SLC41A2: variants seen among roughly 807,000 people sequenced by gnomAD.
SLC41A2 encodes solute carrier family 41 member 2, also known as SLC41A1-like 1.
In SLC41A2, 32 loss-of-function variants were observed where a neutral mutation model predicts 58.3. The ratio of observed to expected loss-of-function variants is 0.55; its 90% CI spans 0.41 to 0.74. SLC41A2 has a LOEUF of 0.74. Ranked by LOEUF, SLC41A2 falls within the 30% of genes least tolerant of loss-of-function variation. The pLI is 0.00. For missense variants in SLC41A2, 514 were observed against 680.6 expected (o/e 0.76, Z 2.72); for synonymous variants, 190 against 235.0 (o/e 0.81, Z 1.75).
intron 10 of SLC41A2, among the ~76,000 whole-genome samples, chr12:104,815,487 T>C (rs1026301104): frequency 2.6e-5 from 4 of 152,164 alleles, no homozygotes; most frequent in African/African-American, 9.7e-5. Flanking sequence ...CTTTGGATGA[T>C]ATTGATTCCT....
intron 3 of SLC41A2, among the ~76,000 whole-genome samples, chr12:104,900,535 C>A (rs2045509367): frequency 6.6e-6 from 1 of 152,140 alleles, no homozygotes; most frequent in Admixed American, 6.5e-5. Context: ...AGTAAAGCTG[C>A]AGAAATGGGG....
chr12:104,836,531 AG>A (rs2042214254), intron 10 of SLC41A2, among the ~76,000 whole-genome samples: 1 of 152,238 alleles, frequency 6.6e-6, no homozygotes, highest in South Asian at 2.1e-4. Flanking sequence ...TCCTCTGAAA[AG>A]TTACAGATCA....
intron 1 of SLC41A2, 84 bp downstream of exon 1, chr12:104,958,004 C>G (rs1439745335): frequency 6.6e-6 from 1 of 151,932 alleles, no homozygotes; most frequent in Non-Finnish European, 1.5e-5. Context: ...CGAGCCCAGG[C>G]CTCTCGGCCC....
intron 10 of SLC41A2, among the ~76,000 whole-genome samples, chr12:104,837,129 G>C (rs546974735): frequency 4.8e-4 from 73 of 152,244 alleles, no homozygotes; most frequent in African/African-American, 1.2e-3. Flanking sequence ...GTCACAGAGA[G>C]TGTTGTGACT....
intron 6 of SLC41A2, among the ~76,000 whole-genome samples, chr12:104,885,304 G>A (rs2044601740): frequency 6.6e-6 from 1 of 152,040 alleles, no homozygotes; most frequent in Non-Finnish European, 1.5e-5. Context: ...ATAACTTAAG[G>A]CAATTTTATA....
In SLC41A2 at chr12:104,881,914, G is replaced by A. The variant is rs2044389744; in HGVS notation, c.1027+4379C>T. ...TGATCTGTCTAATGTTGACAGTGGGGTGTTAAAATCTCCCACTATTATTGT... is the reference window on the plus strand; with the variant it reads ...TGATCTGTCTAATGTTGACAGTGGGATGTTAAAATCTCCCACTATTATTGT... On this transcript the variant is annotated intron_variant, in intron 6 of 10. Coordinates refer to ENST00000258538, the MANE Select transcript of SLC41A2 (RefSeq NM_001352171.3). Among the ~76,000 whole-genome samples the A allele has an allele frequency of 2.0e-5, 3 of 152,142 alleles. No individual in the cohort carries two copies. The South Asian group carries it at 6.2e-4, about 32-fold the overall frequency.
At chr12:104,918,999 C>A (rs1309805335) in intron 2 of SLC41A2, among the ~76,000 whole-genome samples, 1 of 152,134 alleles carries the variant, frequency 6.6e-6, no homozygotes, top group Admixed American at 6.5e-5. Context: ...AGAGCCATTT[C>A]TCTCCACTAC....
chr12:104,884,663 G>A (rs964762267), intron 6 of SLC41A2, among the ~76,000 whole-genome samples: 9 of 151,886 alleles, frequency 5.9e-5, no homozygotes, highest in African/African-American at 2.2e-4. Context: ...TCCTCCAATT[G>A]GGAGAGACTT....
chr12:104,812,411 T>A (rs2041214223), intron 10 of SLC41A2, among the ~76,000 whole-genome samples: 1 of 152,224 alleles, frequency 6.6e-6, no homozygotes, highest in African/African-American at 2.4e-5. Flanking sequence ...AGAATCTGAT[T>A]TTTTTCAACA....
chr12:104,851,036 G>A (rs1183772285), intron 8 of SLC41A2, among the ~76,000 whole-genome samples: 1 of 152,108 alleles, frequency 6.6e-6, no homozygotes, highest in Non-Finnish European at 1.5e-5. Flanking sequence ...ACTTCTTAGA[G>A]CTTCCATTTT....
rs181418153 is a variant in SLC41A2 at position 104,844,484 on chromosome 12, G to A, written c.1524C>T (p.Gly508=). 78 of 1,489,504 alleles carry A rather than the reference G, an allele frequency of 5.2e-5. No individual in the cohort carries two copies. The Middle Eastern group carries it at 5.3e-4, about 10-fold the overall frequency. 92.3% of individuals were successfully genotyped at this position (1,489,504 alleles called of 1,614,324 possible). Residue 508 remains glycine, a synonymous_variant, in exon 10 of 11, where the codon GGC becomes GGT. Coordinates refer to ENST00000258538, the MANE Select transcript of SLC41A2 (RefSeq NM_001352171.3). ...TTTTAACTCTTACCTGTAACACAGC[G>A]CCAAATAAATACACTACTATGAAGA... is the stretch of plus-strand genomic sequence containing the variant. ...TIIFIVVYLF[G]AVLQVFTLLW...
At chr12:104,844,870 A>G (rs12309588) in intron 9 of SLC41A2, among the ~76,000 whole-genome samples, 6,542 of 152,266 alleles carry the variant, frequency 0.043, 270 homozygotes, top group East Asian at 0.095. Context: ...ACACTTTAAT[A>G]TCTATCATAA....
chr12:104,886,388 G>A lies in SLC41A2; in HGVS notation c.932C>T (p.Pro311Leu). Residue 311 changes from proline (P) to leucine (L), a missense_variant, in exon 6 of 11, where the codon CCT (proline) becomes CTT (leucine). Around this residue, in one of 3 missense-constraint regions of SLC41A2, gnomAD observed 336 missense variants for 430.0 expected, o/e 0.78. Coordinates refer to ENST00000258538, the MANE Select transcript of SLC41A2 (RefSeq NM_001352171.3). Reference protein sequence around the residue: ...IVGSKKTGINPDNVATPIAAS... With the variant: ...IVGSKKTGINLDNVATPIAAS... ...AGCAATGGGTGTAGCAACATTATCA[G>A]GATTTATACCAGTCTTCTTTGAACC... is the stretch of plus-strand genomic sequence containing the variant. 1.2e-6 allele frequency: 2 copies of A among 1,613,570 alleles called. No individual in the cohort carries two copies. The highest frequency in any genetic ancestry group is 1.7e-6 in the Non-Finnish European group (2 of 1,179,594).
chr12:104,861,460 A>G, intron 7 of SLC41A2, 90 bp from the exon 8 acceptor site: 1 of 663,406 alleles, frequency 1.5e-6, no homozygotes, highest in South Asian at 3.0e-5. Context: ...TCCTTTTTAA[A>G]ATAAAATATT....
chr12:104,853,914 T>A (rs28535289), intron 8 of SLC41A2, among the ~76,000 whole-genome samples: 1,095 of 28,818 alleles, frequency 0.038, 27 homozygotes, highest in Admixed American at 0.048. Context: ...CTGGCTGATT[T>A]TTTTTTTTTT....
intron 7 of SLC41A2, among the ~76,000 whole-genome samples, chr12:104,861,620 G>A (rs1322890661): frequency 6.6e-6 from 1 of 152,118 alleles, no homozygotes; most frequent in Non-Finnish European, 1.5e-5. Context: ...AAAAGAAAAA[G>A]CATACGCTTT....
At chr12:104,859,476 T>TAA (rs1160131905) in intron 8 of SLC41A2, among the ~76,000 whole-genome samples, 80 of 152,180 alleles carry the variant, frequency 5.3e-4, no homozygotes, top group Non-Finnish European at 9.4e-4. Flanking sequence ...TGAACTGTGT[T>TAA]AAAGGGCAAG....
chr12:104,860,844 G>A (rs186587307), intron 8 of SLC41A2, among the ~76,000 whole-genome samples: 45 of 152,100 alleles, frequency 3.0e-4, no homozygotes, highest in Admixed American at 2.6e-3. Flanking sequence ...CAAAGCACTG[G>A]GATTGCAGTC....
At chr12:104,822,864 A>G (rs1441856409) in intron 10 of SLC41A2, among the ~76,000 whole-genome samples, 1 of 152,180 alleles carries the variant, frequency 6.6e-6, no homozygotes. Context: ...AGGTTAAGAA[A>G]ACAAAACAAA....
Sources: gnomAD v4.1 joint callset for allele counts (sites outside exome capture counted in the v4.1 genomes callset) on GRCh38, gnomAD v4.1.1 for gene constraint, gnomAD v4.1.1 regional missense constraint, MANE v1.5 for transcripts, NCBI Gene and HGNC (gene_info 2026-07-23, HGNC 2026-07-21) for gene names.